The following DNAAF11 variants were observed in gnomAD, a reference collection of about 807,000 sequenced individuals.
DNAAF11 encodes the protein leucine rich repeat containing 6.
A neutral mutation model predicts 60.8 loss-of-function variants in DNAAF11; 45 were observed. That is an observed-to-expected ratio of 0.74 (90% confidence interval 0.58 to 0.95). The LOEUF (loss-of-function observed/expected upper bound fraction) is 0.95. Ranked by LOEUF, DNAAF11 falls within the 40% of genes least tolerant of loss-of-function variation. The pLI, the probability that DNAAF11 is intolerant of heterozygous loss-of-function variation, is 0.00. For missense variants in DNAAF11, 546 were observed against 546.2 expected (o/e 1.00, Z 0.00); for synonymous variants, 191 against 183.5 (o/e 1.04, Z -0.33).
chr8:132,615,125 AAG>A lies in DNAAF11; in HGVS notation c.915-30_915-29del, dbSNP rs376302322. 3.9e-5 allele frequency: 56 copies of A among 1,431,632 alleles called. 1 individual carries two copies. In the African/African-American group the frequency reaches 4.5e-4, roughly 11 times the overall value. The allele number at this position is 1,431,632 out of a possible 1,614,324, so 88.7% of individuals were successfully genotyped here. ...AAGAATAACACATTTGGTGGGAAAAAAGAGATGTCTTTAGGATACTGTATAGA... is the reference window on the plus strand; with the variant it reads ...AAGAATAACACATTTGGTGGGAAAAAAGATGTCTTTAGGATACTGTATAGA... On this transcript the variant is annotated intron_variant, in intron 7 of 11. Coordinates refer to ENST00000620350, the MANE Select transcript of DNAAF11 (RefSeq NM_012472.6).
chr8:132,600,491 G>C (rs904938484), intron 10 of DNAAF11, among the ~76,000 whole-genome samples: 2 of 152,142 alleles, frequency 1.3e-5, no homozygotes, highest in African/African-American at 2.4e-5. Context: ...AAAGAACAAA[G>C]CTGGAGGCAT....
intron 7 of DNAAF11, among the ~76,000 whole-genome samples, chr8:132,616,263 G>A (rs983808455): frequency 6.6e-6 from 1 of 152,124 alleles, no homozygotes; most frequent in Non-Finnish European, 1.5e-5. Context: ...GACAGTCGTT[G>A]TATGGCACTT....
At chr8:132,693,648 T>A in the DNAAF11 span, among the ~76,000 whole-genome samples, 1 of 151,646 alleles carries the variant, frequency 6.6e-6, no homozygotes, top group African/African-American at 2.4e-5. Flanking sequence ...TACTACTAAG[T>A]GCTATTGGGG....
chr8:132,700,042 G>C, the DNAAF11 span, among the ~76,000 whole-genome samples: 3 of 152,074 alleles, frequency 2.0e-5, no homozygotes, highest in Non-Finnish European at 4.4e-5. Context: ...CAGTGTTGTG[G>C]TTCACAACAC....
At chr8:132,635,056 G>A (rs971083295) in intron 4 of DNAAF11, among the ~76,000 whole-genome samples, 1 of 152,120 alleles carries the variant, frequency 6.6e-6, no homozygotes, top group Non-Finnish European at 1.5e-5. Flanking sequence ...TTTACTGACA[G>A]GAGGCAAAAG....
At chr8:132,690,070 T>A in the DNAAF11 span, among the ~76,000 whole-genome samples, 2 of 152,242 alleles carry the variant, frequency 1.3e-5, no homozygotes, top group East Asian at 3.8e-4. Context: ...ACCTGCATTA[T>A]TTTTAATTAA....
At position 132,675,538 on chromosome 8, in the gene DNAAF11, C is replaced by T. The variant is rs1261662891; in HGVS notation, c.-45G>A. On this transcript the variant is annotated 5_prime_UTR_variant, in exon 1 of 12. Transcript: ENST00000620350. Reference sequence around the variant, plus strand: ...GACCCCGCAAGCCGGACCCGGACCTCGAATGACGCTTTTCACCCTTCACCC... The same window carrying T: ...GACCCCGCAAGCCGGACCCGGACCTTGAATGACGCTTTTCACCCTTCACCC... 1.3e-6 allele frequency: 2 copies of T among 1,551,980 alleles called. No individual in the cohort carries two copies. The highest frequency in any genetic ancestry group is 1.4e-5 in the African/African-American group (1 of 72,320).
the DNAAF11 span, among the ~76,000 whole-genome samples, chr8:132,689,164 T>C: frequency 6.6e-6 from 1 of 152,334 alleles, no homozygotes; most frequent in East Asian, 1.9e-4. Context: ...TGATGAGTTG[T>C]AGAGCAAGTC....
At chr8:132,607,728 C>T (rs766318509) in intron 10 of DNAAF11, among the ~76,000 whole-genome samples, 1 of 152,110 alleles carries the variant, frequency 6.6e-6, no homozygotes, top group Non-Finnish European at 1.5e-5. Context: ...GCTTAATTCA[C>T]TTGGCATAAT....
chr8:132,610,309 T>C (rs1294902878), intron 9 of DNAAF11, 48 bp from the exon 10 acceptor site: 2 of 1,259,290 alleles, frequency 1.6e-6, no homozygotes, highest in East Asian at 2.3e-5. Flanking sequence ...GGACGTTACA[T>C]GAGAGGGTTA....
chr8:132,684,122 C>T, the DNAAF11 span, among the ~76,000 whole-genome samples: 1 of 152,164 alleles, frequency 6.6e-6, no homozygotes. Flanking sequence ...TTAGAGGGCA[C>T]TTTCTCCATA....
In DNAAF11 at chr8:132,652,952, C is replaced by T. The variant is rs114093114; in HGVS notation, c.256+3878G>A. On this transcript the variant is annotated intron_variant, in intron 3 of 11. Transcript: ENST00000620350. The stretch of plus-strand genomic sequence containing the variant: ...CTTCAAGTATAATAAAAAAAAAGTA[C>T]GGCCAAAATAAAGAGTTAATTGTAG... 5.7e-3 allele frequency among the ~76,000 whole-genome samples: 864 copies of T among 151,806 alleles called. 8 individuals carry two copies. The highest frequency in any genetic ancestry group is 0.02 in the African/African-American group (832 of 41,342).
chr8:132,646,821 C>A (rs1240056175), intron 3 of DNAAF11, among the ~76,000 whole-genome samples: 1 of 152,174 alleles, frequency 6.6e-6, no homozygotes, highest in Non-Finnish European at 1.5e-5. Context: ...GCACCCAATA[C>A]AGGAGCACCC....
chr8:132,652,641 G>A (rs1823131600), intron 3 of DNAAF11, among the ~76,000 whole-genome samples: 1 of 152,138 alleles, frequency 6.6e-6, no homozygotes, highest in Non-Finnish European at 1.5e-5. Flanking sequence ...GTCCTTTGCA[G>A]GGACATGGAT....
intron 4 of DNAAF11, among the ~76,000 whole-genome samples, chr8:132,635,089 C>A (rs1821164093): frequency 1.3e-5 from 2 of 152,280 alleles, no homozygotes; most frequent in South Asian, 4.1e-4. Flanking sequence ...TAACTGATGA[C>A]AAATTTGGGA....
chr8:132,577,128 T>C (rs1278022652), intron 11 of DNAAF11, among the ~76,000 whole-genome samples: 2 of 152,064 alleles, frequency 1.3e-5, no homozygotes, highest in African/African-American at 2.4e-5. Context: ...CTTCCAGCCA[T>C]GATGCCCCAC....
intron 10 of DNAAF11, among the ~76,000 whole-genome samples, chr8:132,601,551 A>C (rs943875093): frequency 6.6e-6 from 1 of 152,240 alleles, no homozygotes; most frequent in Non-Finnish European, 1.5e-5. Context: ...AGACTGGATT[A>C]AGAAAATGTG....
At chr8:132,634,998 A>C (rs1302804580) in intron 4 of DNAAF11, among the ~76,000 whole-genome samples, 1 of 152,118 alleles carries the variant, frequency 6.6e-6, no homozygotes, top group Non-Finnish European at 1.5e-5. Flanking sequence ...TTTTGATTTA[A>C]TTAGAACTAC....
At chr8:132,675,247 G>T in intron 1 of DNAAF11, 1 of 446,148 alleles carries the variant, frequency 2.2e-6, no homozygotes, top group Non-Finnish European at 4.1e-6. Context: ...CCTTCCCACG[G>T]CCCCGCCCAT....
Sources: allele counts gnomAD v4.1 joint callset (sites outside exome capture counted in the v4.1 genomes callset), GRCh38; gene constraint gnomAD v4.1.1; transcripts MANE v1.5; gene names NCBI Gene and HGNC (gene_info 2026-07-23, HGNC 2026-07-21).